The following FHOD3 variants were observed in gnomAD, a reference collection of about 807,000 sequenced individuals.
FHOD3 encodes the protein FH1/FH2 domain-containing protein 3.
In FHOD3, 90 loss-of-function variants were observed where a neutral mutation model predicts 173.0. The observed-to-expected ratio is 0.52, with a 90% CI of 0.44 to 0.62. The LOEUF (loss-of-function observed/expected upper bound fraction) is 0.62. Among genes scored for constraint, FHOD3 ranks in the 20% least tolerant of loss-of-function variants. FHOD3 has a pLI of 0.00. For missense variants in FHOD3, 1,945 were observed against 2,034.7 expected (o/e 0.96, Z 0.85); for synonymous variants, 828 against 823.0 (o/e 1.01, Z -0.10).
At chr18:36,560,149 T>C (rs758877906) in intron 5 of FHOD3, among the ~76,000 whole-genome samples, 115 of 152,312 alleles carry the variant, frequency 7.6e-4, no homozygotes, top group Non-Finnish European at 1.3e-3. Context: ...AAAACAGGGT[T>C]ACACCTTGCC....
At chr18:36,359,794 A>G (rs1434360647) in intron 2 of FHOD3, among the ~76,000 whole-genome samples, 2 of 152,214 alleles carry the variant, frequency 1.3e-5, no homozygotes, top group Admixed American at 6.5e-5. Context: ...GGGCAATATT[A>G]TCATAATACT....
chr18:36,574,971 T>C (rs2058592593), intron 5 of FHOD3, among the ~76,000 whole-genome samples: 2 of 146,484 alleles, frequency 1.4e-5, no homozygotes, highest in Admixed American at 6.8e-5. Flanking sequence ...CTTTTTTCTC[T>C]TTTTTTTTTT....
intron 5 of FHOD3, among the ~76,000 whole-genome samples, chr18:36,567,079 T>C (rs1289335979): frequency 6.6e-6 from 1 of 152,200 alleles, no homozygotes; most frequent in Non-Finnish European, 1.5e-5. Flanking sequence ...TGATGTGTCC[T>C]GTTAACAGGG....
chr18:36,415,569 A>G (rs2049594826), intron 3 of FHOD3, among the ~76,000 whole-genome samples: 1 of 152,212 alleles, frequency 6.6e-6, no homozygotes, highest in African/African-American at 2.4e-5. Flanking sequence ...TTTCAGCTGC[A>G]TTTTGTTTGA....
intron 5 of FHOD3, among the ~76,000 whole-genome samples, chr18:36,528,988 C>G (rs891626541): frequency 3.3e-5 from 5 of 152,138 alleles, no homozygotes; most frequent in Admixed American, 6.5e-5. Flanking sequence ...TGCTCATGCT[C>G]TTGGGAGAGG....
chr18:36,486,161 G>A (rs1024791238), intron 3 of FHOD3, among the ~76,000 whole-genome samples: 5 of 152,126 alleles, frequency 3.3e-5, no homozygotes, highest in South Asian at 2.1e-4. Flanking sequence ...AATGGCTGCC[G>A]AGTGCAACAC....
chr18:36,321,641 T>G (rs2044399852), intron 1 of FHOD3, among the ~76,000 whole-genome samples: 1 of 151,982 alleles, frequency 6.6e-6, no homozygotes, highest in African/African-American at 2.4e-5. Context: ...GCAGGGAATG[T>G]GAGGGAGAGG....
intron 3 of FHOD3, among the ~76,000 whole-genome samples, chr18:36,497,991 A>G (rs2054835357): frequency 6.6e-6 from 1 of 152,222 alleles, no homozygotes; most frequent in Admixed American, 6.5e-5. Context: ...AAGATTTGAT[A>G]AAGTATATGT....
chr18:36,501,921 CT>C lies in FHOD3; in HGVS notation c.338-8del. Reference sequence around the variant, plus strand: ...GTTTAATTAATTTATATGTTTTATTCTTTATTTCAGAAAAACTATACAACTC... The same window carrying C: ...GTTTAATTAATTTATATGTTTTATTCTTATTTCAGAAAAACTATACAACTC... On this transcript the variant is annotated splice_polypyrimidine_tract_variant and intron_variant, in intron 3 of 28. Coordinates refer to ENST00000590592, the MANE Select transcript of FHOD3 (RefSeq NM_001281740.3). 2 of 1,573,488 alleles carry C rather than the reference CT, an allele frequency of 1.3e-6. No individual in the cohort carries two copies. Among genetic ancestry groups the C allele is most frequent in the Non-Finnish European group, 1.7e-6 (2 of 1,152,970 alleles).
In FHOD3 at chr18:36,602,675, G is replaced by A. The variant is rs2031547770; in HGVS notation, c.720G>A (p.Gly240=). The change falls in exon 8 of 29, where the codon GGG becomes GGA. Residue 240 remains glycine, a splice_region_variant and synonymous_variant. Coordinates refer to ENST00000590592, the MANE Select transcript of FHOD3 (RefSeq NM_001281740.3). ...TAATGATTTTTGCTTTACTCATAGG[G>A]GTCAAACCTTGGTCAAATATCATGG... ...QAVTAVDTKR[G]VKPWSNIMEI... is the part of the protein sequence containing the mutation. 6.2e-7 allele frequency: 1 copy of A among 1,612,460 alleles called. No individual in the cohort carries two copies. The highest frequency in any genetic ancestry group is 2.2e-5 in the East Asian group (1 of 44,882).
chr18:36,644,735 A>G (rs1328916901), intron 10 of FHOD3, among the ~76,000 whole-genome samples: 1 of 152,208 alleles, frequency 6.6e-6, no homozygotes, highest in Non-Finnish European at 1.5e-5. Flanking sequence ...GCTTTTACAT[A>G]TTAATGCATT....
intron 5 of FHOD3, among the ~76,000 whole-genome samples, chr18:36,566,374 G>A (rs908757564): frequency 6.6e-6 from 1 of 152,188 alleles, no homozygotes; most frequent in Non-Finnish European, 1.5e-5. Context: ...TATTTTATAT[G>A]TAAGGACTTC....
chr18:36,316,852 C>T (rs1336636663), intron 1 of FHOD3, among the ~76,000 whole-genome samples: 2 of 152,140 alleles, frequency 1.3e-5, no homozygotes, highest in South Asian at 2.1e-4. Flanking sequence ...AGGTATTTCT[C>T]CTAATGCTAT....
chr18:36,515,363 G>A (rs1245907334), intron 5 of FHOD3, among the ~76,000 whole-genome samples: 6 of 152,082 alleles, frequency 3.9e-5, no homozygotes, highest in Non-Finnish European at 7.4e-5. Context: ...GACTACAGGC[G>A]CCTGCCACCA....
chr18:36,392,304 G>T (rs941711157), intron 3 of FHOD3, among the ~76,000 whole-genome samples: 1 of 152,186 alleles, frequency 6.6e-6, no homozygotes, highest in African/African-American at 2.4e-5. Context: ...CATAACACAT[G>T]ATGGGTCTTA....
chr18:36,351,419 A>G (rs562120508), intron 1 of FHOD3, among the ~76,000 whole-genome samples: 6 of 152,214 alleles, frequency 3.9e-5, no homozygotes, highest in Admixed American at 1.3e-4. Context: ...AGCAGAAGGG[A>G]TATAACTGAG....
intron 3 of FHOD3, among the ~76,000 whole-genome samples, chr18:36,442,472 A>T (rs1669706338): frequency 6.6e-6 from 1 of 152,222 alleles, no homozygotes; most frequent in African/African-American, 2.4e-5. Flanking sequence ...CTCAGGATTG[A>T]CACACACATT....
chr18:36,634,361 A>G (rs2034726249), intron 10 of FHOD3, among the ~76,000 whole-genome samples: 1 of 152,064 alleles, frequency 6.6e-6, no homozygotes, highest in African/African-American at 2.4e-5. Flanking sequence ...CCATGTTTTG[A>G]CAGGAAGGAG....
At chr18:36,757,086 T>C (rs2042662494) in intron 25 of FHOD3, among the ~76,000 whole-genome samples, 1 of 152,280 alleles carries the variant, frequency 6.6e-6, no homozygotes, top group Non-Finnish European at 1.5e-5. Flanking sequence ...AATTTCTTGC[T>C]AAATTCTTGA....
Sources: gnomAD v4.1 joint callset for allele counts (sites outside exome capture counted in the v4.1 genomes callset) on GRCh38, gnomAD v4.1.1 for gene constraint, MANE v1.5 for transcripts, NCBI Gene and HGNC (gene_info 2026-07-23, HGNC 2026-07-21) for gene names.